Variants in DNAH14 observed in about 807,000 individuals in gnomAD.
The protein encoded by DNAH14 is dynein axonemal heavy chain 14, also known as axonemal beta dynein heavy chain 14.
In DNAH14, 478 loss-of-function variants were observed where a neutral mutation model predicts 520.9. The observed-to-expected ratio is 0.92, with a 90% CI of 0.85 to 0.99. DNAH14 has a LOEUF of 0.99. Ranked by LOEUF, DNAH14 falls within the 50% of genes least tolerant of loss-of-function variation. The pLI is 0.00. For synonymous variants in DNAH14, 1,581 were observed against 1,757.2 expected (o/e 0.90, Z 2.51); for missense variants, 4,831 against 5,234.5 (o/e 0.92, Z 2.38).
At chr1:225,341,934 C>A (rs753286678) in intron 69 of DNAH14, among the ~76,000 whole-genome samples, 29 of 152,138 alleles carry the variant, frequency 1.9e-4, no homozygotes, top group Non-Finnish European at 3.5e-4. Context: ...GTATAGAAAT[C>A]ATCTGTAGAG....
chr1:225,333,337 G>A lies in DNAH14; in HGVS notation c.9911G>A (p.Gly3304Glu). The change falls in exon 66 of 86, where the codon GGA (glycine) becomes GAA (glutamate). Residue 3304 changes from glycine (G) to glutamate (E), a missense_variant. By Grantham distance (98) the Gly-to-Glu change is moderately conservative. Coordinates refer to ENST00000682510, the MANE Select transcript of DNAH14 (RefSeq NM_001367479.1). ...TINQIDNKLEGILGDILLSAA... is the reference protein window; with the variant it reads ...TINQIDNKLEEILGDILLSAA... Reference sequence around the variant, plus strand: ...AATCAAATAGATAACAAATTAGAAGGAATTTTGGGTGACATACTTCTTTCA... The same window carrying A: ...AATCAAATAGATAACAAATTAGAAGAAATTTTGGGTGACATACTTCTTTCA... 6.4e-7 allele frequency: 1 copy of A among 1,551,658 alleles called. No homozygotes were observed. Among genetic ancestry groups the A allele is most frequent in the Non-Finnish European group, 8.7e-7 (1 of 1,146,882 alleles).
At chr1:225,373,477 G>C (rs1475810503) in intron 77 of DNAH14, among the ~76,000 whole-genome samples, 1 of 142,634 alleles carries the variant, frequency 7.0e-6, no homozygotes, top group African/African-American at 2.5e-5. Flanking sequence ...AGGAAGGGAG[G>C]AAGGGAGGGA....
chr1:225,186,793 G>A (rs976719483), intron 37 of DNAH14, among the ~76,000 whole-genome samples: 3 of 151,634 alleles, frequency 2.0e-5, no homozygotes, highest in African/African-American at 7.3e-5. Flanking sequence ...ACTGTATTCT[G>A]TATATATGAC....
At chr1:225,279,603 A>G (rs2093579884) in intron 54 of DNAH14, among the ~76,000 whole-genome samples, 1 of 152,346 alleles carries the variant, frequency 6.6e-6, no homozygotes, top group East Asian at 1.9e-4. Context: ...TAAATATTAC[A>G]TAGTTCAATT....
intron 27 of DNAH14, among the ~76,000 whole-genome samples, chr1:225,130,102 A>C (rs974353745): frequency 2.0e-5 from 3 of 152,218 alleles, no homozygotes; most frequent in Non-Finnish European, 4.4e-5. Flanking sequence ...AGAAATGCAA[A>C]TCAAAACCAC....
intron 41 of DNAH14, among the ~76,000 whole-genome samples, chr1:225,224,746 A>G (rs960806337): frequency 1.3e-5 from 2 of 152,174 alleles, no homozygotes; most frequent in Admixed American, 1.3e-4. Flanking sequence ...AGACTGCATA[A>G]TTTCCTCACT....
chr1:225,052,675 T>C (rs1161132990), intron 17 of DNAH14, among the ~76,000 whole-genome samples: 1 of 151,976 alleles, frequency 6.6e-6, no homozygotes, highest in Non-Finnish European at 1.5e-5. Flanking sequence ...CTAGAAAAAG[T>C]AGTACCATCT....
At chr1:224,955,362 C>A (rs890852825) in intron 3 of DNAH14, among the ~76,000 whole-genome samples, 2 of 152,204 alleles carry the variant, frequency 1.3e-5, no homozygotes, top group South Asian at 2.1e-4. Context: ...TTTACAGTTT[C>A]CATCACTTTT....
chr1:225,245,996 A>C (rs2092258770), intron 43 of DNAH14, among the ~76,000 whole-genome samples: 3 of 152,024 alleles, frequency 2.0e-5, no homozygotes, highest in Admixed American at 2.0e-4. Context: ...ACAGTAACCA[A>C]AACAGCATGA....
intron 8 of DNAH14, among the ~76,000 whole-genome samples, chr1:224,997,891 ACAC>A (rs2063499962): frequency 6.6e-6 from 1 of 152,134 alleles, no homozygotes; most frequent in Non-Finnish European, 1.5e-5. Context: ...AAAAAACCAA[ACAC>A]CACATGTTCT....
chr1:224,949,741 G>A (rs2060053634), intron 1 of DNAH14, among the ~76,000 whole-genome samples: 1 of 152,062 alleles, frequency 6.6e-6, no homozygotes, highest in African/African-American at 2.4e-5. Context: ...GAAGGTTCAT[G>A]CATTATTATA....
chr1:225,155,390 A>G (rs1559124273), intron 34 of DNAH14, among the ~76,000 whole-genome samples: 2 of 152,178 alleles, frequency 1.3e-5, no homozygotes, highest in African/African-American at 2.4e-5. Flanking sequence ...GGATAAAGCT[A>G]TAATTATTTA....
chr1:225,195,717 C>T lies in DNAH14; in HGVS notation c.5886+2806C>T, dbSNP rs146684582. Among the ~76,000 whole-genome samples the T allele has an allele frequency of 7.1e-3, 1,081 of 151,446 alleles. 9 individuals carry two copies. The highest frequency in any genetic ancestry group is 0.025 in the African/African-American group (1,012 of 41,300). ...TGAGGAAAAGCTATAAATAGAAAATCGATAGAAAAATTACAGTTGTCATTA... is the reference window on the plus strand; with the variant it reads ...TGAGGAAAAGCTATAAATAGAAAATTGATAGAAAAATTACAGTTGTCATTA... On this transcript the variant is annotated intron_variant, in intron 38 of 85. Transcript: ENST00000682510.
At chr1:224,969,973 G>A (rs551401584) in intron 7 of DNAH14, 2 of 152,152 alleles carry the variant, frequency 1.3e-5, no homozygotes, top group Non-Finnish European at 2.9e-5. Context: ...ATGAAATCTG[G>A]GCACCTTGAA....
Position 225,389,830 on chromosome 1 carries a change from G to A in DNAH14, c.13287G>A (p.Gly4429=). 2.6e-6 allele frequency: 4 copies of A among 1,551,620 alleles called. No individual in the cohort carries two copies. Among genetic ancestry groups the A allele is most frequent in the Non-Finnish European group, 2.6e-6 (3 of 1,146,788 alleles). Residue 4429 remains glycine, a synonymous_variant, in exon 83 of 86, where the codon GGG becomes GGA. Coordinates refer to ENST00000682510, the MANE Select transcript of DNAH14 (RefSeq NM_001367479.1). ...ATTCAGAGAACAATTTCTTTGAAGG[G>A]TTTCCTTCAAGATACTGGCTCCCAG... The part of the protein sequence containing the change: ...PEDSENNFFE[G]FPSRYWLPAF...
At chr1:225,279,114 A>G (rs1411324431) in intron 54 of DNAH14, among the ~76,000 whole-genome samples, 2 of 152,122 alleles carry the variant, frequency 1.3e-5, no homozygotes, top group African/African-American at 4.8e-5. Context: ...CTCCTACTTC[A>G]GCCTCCTGAG....
chr1:225,272,831 A>T (rs139067533), intron 51 of DNAH14, 124 bp from the exon 52 acceptor site: 2 of 979,538 alleles, frequency 2.0e-6, no homozygotes, highest in South Asian at 1.9e-5. Flanking sequence ...AGAAATTCAC[A>T]ATTCTTACCT....
chr1:225,037,213 A>G (rs1251648299), intron 11 of DNAH14, among the ~76,000 whole-genome samples: 1 of 152,076 alleles, frequency 6.6e-6, no homozygotes, highest in Non-Finnish European at 1.5e-5. Flanking sequence ...GTCCATTTAC[A>G]TCCATTCTTA....
At chr1:225,361,574 G>A (rs1054518964) in intron 75 of DNAH14, among the ~76,000 whole-genome samples, 30 of 152,166 alleles carry the variant, frequency 2.0e-4, no homozygotes, top group Non-Finnish European at 4.1e-4. Context: ...GTTTAAATGA[G>A]AGTCTGTCTC....
Sources: gnomAD v4.1 joint callset for allele counts (sites outside exome capture counted in the v4.1 genomes callset) on GRCh38, gnomAD v4.1.1 for gene constraint, MANE v1.5 for transcripts, NCBI Gene and HGNC (gene_info 2026-07-23, HGNC 2026-07-21) for gene names.